Variants in PTPRD observed in about 807,000 individuals in gnomAD.
PTPRD encodes protein tyrosine phosphatase receptor type D, also known as receptor-type tyrosine-protein phosphatase delta.
Under a neutral mutation model 214.5 loss-of-function variants are expected in PTPRD, and 34 were observed. The ratio of observed to expected loss-of-function variants is 0.16; its 90% confidence interval spans 0.12 to 0.21. The LOEUF (loss-of-function observed/expected upper bound fraction) is 0.21. Ranked by LOEUF, PTPRD falls within the 10% of genes least tolerant of loss-of-function variation. The probability of loss-of-function intolerance (pLI) is 1.00; values close to 1 mark genes in which losing one functional copy is unlikely to be tolerated. For synonymous variants in PTPRD, 1,128 were observed against 845.7 expected (o/e 1.33, Z -5.79); for missense variants, 2,545 against 2,398.7 (o/e 1.06, Z -1.27).
At chr9:10,281,300 A>C (rs1164196222) in intron 3 of PTPRD, among the ~76,000 whole-genome samples, 1 of 152,212 alleles carries the variant, frequency 6.6e-6, no homozygotes, top group African/African-American at 2.4e-5. Flanking sequence ...GATACCAAAA[A>C]TTATTTTTCA....
intron 7 of PTPRD, among the ~76,000 whole-genome samples, chr9:9,691,396 C>A: frequency 6.6e-6 from 1 of 151,916 alleles, no homozygotes; most frequent in East Asian, 1.9e-4. Context: ...GTTTGTTTTT[C>A]TGTGCCTGGC....
chr9:10,400,941 T>A (rs80321365), intron 2 of PTPRD, among the ~76,000 whole-genome samples: 6,386 of 151,636 alleles, frequency 0.042, 145 homozygotes, highest in South Asian at 0.084. Context: ...CTTAAACATA[T>A]ATATTCAAAG....
intron 3 of PTPRD, 55 bp from the exon 4 acceptor site, chr9:10,033,845 T>G (rs1383313492): frequency 1.3e-5 from 2 of 152,258 alleles, no homozygotes; most frequent in South Asian, 2.1e-4. Context: ...AGTTGTATTA[T>G]GTCACATTTA....
intron 10 of PTPRD, among the ~76,000 whole-genome samples, chr9:9,023,942 T>C (rs1330979096): frequency 6.6e-6 from 1 of 152,076 alleles, no homozygotes; most frequent in Non-Finnish European, 1.5e-5. Context: ...CGGTTAAGAT[T>C]AAGTCATTAA....
chr9:8,338,863 G>GAGAGAGAGAGAT, intron 43 of PTPRD, 59 bp downstream of exon 43: 1 of 1,516,740 alleles, frequency 6.6e-7, no homozygotes, highest in Non-Finnish European at 9.0e-7. Context: ...GAGAGAGAGA[G>GAGAGAGAGAGAT]AGGTATCTTA....
intron 8 of PTPRD, among the ~76,000 whole-genome samples, chr9:9,511,245 C>T (rs1483272987): frequency 6.6e-6 from 1 of 151,672 alleles, no homozygotes; most frequent in Non-Finnish European, 1.5e-5. Context: ...CCCTCATCCT[C>T]TATGGTAAAG....
At chr9:8,820,443 T>G (rs1600846896) in intron 11 of PTPRD, among the ~76,000 whole-genome samples, 1 of 152,164 alleles carries the variant, frequency 6.6e-6, no homozygotes, top group East Asian at 1.9e-4. Flanking sequence ...TTTATAATTT[T>G]AATAAAGCCT....
At chr9:8,757,120 C>G (rs1258555463) in intron 11 of PTPRD, among the ~76,000 whole-genome samples, 1 of 152,102 alleles carries the variant, frequency 6.6e-6, no homozygotes, top group Non-Finnish European at 1.5e-5. Context: ...CCAGCGTGGG[C>G]AACAGAGTGA....
intron 8 of PTPRD, among the ~76,000 whole-genome samples, chr9:9,515,044 T>C (rs10977830): frequency 0.13 from 19,128 of 152,146 alleles, 1,281 homozygotes; most frequent in Middle Eastern, 0.18. Flanking sequence ...ACTACATTTA[T>C]ATGTTGGGTA....
chr9:9,603,997 A>T (rs548222622), intron 7 of PTPRD, among the ~76,000 whole-genome samples: 1 of 152,148 alleles, frequency 6.6e-6, no homozygotes, highest in African/African-American at 2.4e-5. Context: ...ATTTTTTTTA[A>T]ATTTTATTTT....
intron 11 of PTPRD, among the ~76,000 whole-genome samples, chr9:8,793,134 A>C (rs774434940): frequency 5.3e-5 from 8 of 152,170 alleles, no homozygotes; most frequent in Non-Finnish European, 1.0e-4. Context: ...CCAACTATGC[A>C]CATATTGTCT....
At chr9:9,770,297 C>T (rs1254125198) in intron 5 of PTPRD, among the ~76,000 whole-genome samples, 1 of 152,156 alleles carries the variant, frequency 6.6e-6, no homozygotes, top group Non-Finnish European at 1.5e-5. Context: ...TAATGATTGC[C>T]ATTCTTACAG....
chr9:10,162,365 TA>T, intron 3 of PTPRD, among the ~76,000 whole-genome samples: 1 of 151,426 alleles, frequency 6.6e-6, no homozygotes, highest in East Asian at 1.9e-4. Context: ...TATTCAGCCA[TA>T]AAAAGAACAA....
intron 5 of PTPRD, among the ~76,000 whole-genome samples, chr9:9,922,427 A>G (rs1355073810): frequency 2.0e-5 from 3 of 152,140 alleles, no homozygotes; most frequent in East Asian, 1.9e-4. Flanking sequence ...TAGAACACCA[A>G]TTATATTACC....
At chr9:9,008,512 C>T (rs567542433) in intron 11 of PTPRD, among the ~76,000 whole-genome samples, 30 of 152,090 alleles carry the variant, frequency 2.0e-4, no homozygotes, top group African/African-American at 4.8e-4. Context: ...AGGCATGAGC[C>T]ACCGCGCCCG....
intron 4 of PTPRD, among the ~76,000 whole-genome samples, chr9:9,996,704 T>A (rs536455077): frequency 1.3e-5 from 2 of 152,322 alleles, no homozygotes; most frequent in Admixed American, 1.3e-4. Context: ...GTAATTATTG[T>A]CTAATTATTA....
At chr9:9,762,122 C>T (rs1351004657) in intron 6 of PTPRD, among the ~76,000 whole-genome samples, 1 of 152,132 alleles carries the variant, frequency 6.6e-6, no homozygotes, top group East Asian at 1.9e-4. Flanking sequence ...CAGTCCTGCC[C>T]TCAAGGCTCT....
intron 14 of PTPRD, among the ~76,000 whole-genome samples, chr9:8,563,285 G>A (rs1036069574): frequency 5.3e-5 from 8 of 152,096 alleles, no homozygotes; most frequent in Non-Finnish European, 1.0e-4. Context: ...GTGAAGTTTC[G>A]CAGGTCTATG....
intron 2 of PTPRD, among the ~76,000 whole-genome samples, chr9:10,445,707 G>C (rs562925601): frequency 6.6e-6 from 1 of 151,876 alleles, no homozygotes; most frequent in East Asian, 1.9e-4. Context: ...CACTTAATTT[G>C]GGAAGCACTA....
Sources: allele counts gnomAD v4.1 joint callset (sites outside exome capture counted in the v4.1 genomes callset), GRCh38; gene constraint gnomAD v4.1.1; transcripts MANE v1.5; gene names NCBI Gene and HGNC (gene_info 2026-07-23, HGNC 2026-07-21).